CDK19: variants seen among roughly 807,000 people sequenced by gnomAD.
CDK19 encodes the protein cyclin dependent kinase 19, also known as cyclin-dependent kinase 19.
Under a neutral mutation model 68.3 loss-of-function variants are expected in CDK19, and 20 were observed. The ratio of observed to expected loss-of-function variants is 0.29; its 90% CI spans 0.21 to 0.43. CDK19 has a LOEUF of 0.43. Among genes scored for constraint, CDK19 ranks in the 20% least tolerant of loss-of-function variants. The probability of loss-of-function intolerance (pLI) is 1.00; values close to 1 mark genes in which losing one functional copy is unlikely to be tolerated. For missense variants in CDK19, 339 were observed against 623.5 expected (o/e 0.54, Z 4.86); for synonymous variants, 221 against 222.8 (o/e 0.99, Z 0.07).
chr6:110,710,753 C>G (rs1176956763), intron 2 of CDK19, among the ~76,000 whole-genome samples: 5 of 152,146 alleles, frequency 3.3e-5, no homozygotes, highest in African/African-American at 1.2e-4. Flanking sequence ...AATCATCTCC[C>G]AAAGGCTTCA....
intron 1 of CDK19, among the ~76,000 whole-genome samples, chr6:110,809,021 A>C (rs1024016640): frequency 6.6e-6 from 1 of 151,340 alleles, no homozygotes; most frequent in Non-Finnish European, 1.5e-5. Context: ...CCTGGCTAAC[A>C]CGGGGAAACC....
chr6:110,728,879 T>A (rs558558589), intron 2 of CDK19, among the ~76,000 whole-genome samples: 7 of 152,338 alleles, frequency 4.6e-5, no homozygotes, highest in African/African-American at 1.7e-4. Flanking sequence ...TTAGATAATC[T>A]TTCTCTTGTT....
At chr6:110,748,473 GATTT>G (rs1449561474) in intron 1 of CDK19, among the ~76,000 whole-genome samples, 11 of 152,160 alleles carry the variant, frequency 7.2e-5, no homozygotes, top group Non-Finnish European at 1.2e-4. Context: ...GCAATTTTAA[GATTT>G]ATTTGCAACA....
chr6:110,726,992 A>C (rs1776360844), intron 2 of CDK19, among the ~76,000 whole-genome samples: 1 of 152,180 alleles, frequency 6.6e-6, no homozygotes, highest in Non-Finnish European at 1.5e-5. Flanking sequence ...GCACATCTTC[A>C]TAACATTCTG....
intron 2 of CDK19, among the ~76,000 whole-genome samples, chr6:110,675,187 G>A (rs1051022351): frequency 1.3e-5 from 2 of 152,226 alleles, no homozygotes; most frequent in Non-Finnish European, 2.9e-5. Context: ...ATTCCGTGTA[G>A]GACTTTCATA....
chr6:110,651,357 A>G (rs1219172756), intron 4 of CDK19, among the ~76,000 whole-genome samples: 3 of 152,122 alleles, frequency 2.0e-5, no homozygotes, highest in Admixed American at 2.0e-4. Context: ...TATCACTTCT[A>G]GTACACTAAA....
chr6:110,628,975 T>C (rs928476813), intron 6 of CDK19, among the ~76,000 whole-genome samples: 1 of 152,192 alleles, frequency 6.6e-6, no homozygotes, highest in Non-Finnish European at 1.5e-5. Context: ...ATAATACTGC[T>C]CAGCATCCAT....
At chr6:110,696,346 C>T (rs890880310) in intron 2 of CDK19, among the ~76,000 whole-genome samples, 30 of 152,240 alleles carry the variant, frequency 2.0e-4, no homozygotes, top group African/African-American at 7.2e-4. Flanking sequence ...AGGAACATAG[C>T]TTAAGGTAAT....
At chr6:110,711,347 T>G (rs985021360) in intron 2 of CDK19, among the ~76,000 whole-genome samples, 1 of 152,336 alleles carries the variant, frequency 6.6e-6, no homozygotes, top group South Asian at 2.1e-4. Flanking sequence ...AAAGAAGAGC[T>G]TGGCTTGACA....
intron 1 of CDK19, among the ~76,000 whole-genome samples, chr6:110,747,997 TTATC>T (rs1562256010): frequency 1.3e-5 from 2 of 152,350 alleles, no homozygotes; most frequent in East Asian, 3.9e-4. Flanking sequence ...AATAATTAAG[TTATC>T]TATCAGGTAT....
chr6:110,656,215 A>C (rs1781300419), intron 4 of CDK19, among the ~76,000 whole-genome samples: 1 of 152,310 alleles, frequency 6.6e-6, no homozygotes, highest in East Asian at 1.9e-4. Flanking sequence ...CGTTGGGGGA[A>C]GGGATCGTAT....
chr6:110,783,794 G>A (rs2115040957), intron 1 of CDK19, among the ~76,000 whole-genome samples: 1 of 152,132 alleles, frequency 6.6e-6, no homozygotes, highest in Non-Finnish European at 1.5e-5. Context: ...GAGATGGATT[G>A]GACTTCATCA....
chr6:110,747,568 G>C (rs1047442663), intron 1 of CDK19, among the ~76,000 whole-genome samples: 10 of 151,928 alleles, frequency 6.6e-5, no homozygotes, highest in Admixed American at 6.6e-5. Context: ...TATGTTGAAG[G>C]CAATACAAAA....
intron 4 of CDK19, among the ~76,000 whole-genome samples, chr6:110,640,231 C>CAAAAAAAA (rs59703376): frequency 2.5e-5 from 2 of 80,712 alleles, no homozygotes; most frequent in African/African-American, 4.7e-5. Flanking sequence ...GACCCTGTCA[C>CAAAAAAAA]AAAAAAAAAA....
intron 1 of CDK19, among the ~76,000 whole-genome samples, chr6:110,780,173 G>A (rs1780696762): frequency 6.6e-6 from 1 of 151,358 alleles, no homozygotes; most frequent in African/African-American, 2.4e-5. Context: ...AACAGAGATG[G>A]CGCCACTGCA....
At chr6:110,675,473 C>A (rs576610849) in intron 2 of CDK19, among the ~76,000 whole-genome samples, 9 of 151,846 alleles carry the variant, frequency 5.9e-5, no homozygotes, top group African/African-American at 2.2e-4. Flanking sequence ...ACGAAAAATA[C>A]AAAACTAGCC....
At chr6:110,814,552 C>A (rs982597796) in intron 1 of CDK19, 10 of 455,978 alleles carry the variant, frequency 2.2e-5, no homozygotes, top group Non-Finnish European at 4.0e-5. Flanking sequence ...CGACAGGCTC[C>A]CCGGCGAGGT....
chr6:110,792,782 A>C (rs1455333452), intron 1 of CDK19, among the ~76,000 whole-genome samples: 2 of 152,224 alleles, frequency 1.3e-5, no homozygotes, highest in African/African-American at 4.8e-5. Flanking sequence ...AAAACTGACT[A>C]TAATTTTTAC....
intron 4 of CDK19, among the ~76,000 whole-genome samples, chr6:110,646,853 C>A (rs548942688): frequency 6.6e-6 from 1 of 152,114 alleles, no homozygotes; most frequent in East Asian, 2.0e-4. Context: ...GAGGAAGGGG[C>A]TCCCCGGCAG....
Sources: allele counts gnomAD v4.1 joint callset (sites outside exome capture counted in the v4.1 genomes callset), GRCh38; gene constraint gnomAD v4.1.1; transcripts MANE v1.5; gene names NCBI Gene and HGNC (gene_info 2026-07-23, HGNC 2026-07-21).